The following NEGR1 variants were observed in gnomAD, a reference collection of about 807,000 sequenced individuals.
The protein encoded by NEGR1 is neuronal growth regulator 1.
In NEGR1, 10 loss-of-function variants were observed where a neutral mutation model predicts 40.9. That is an observed-to-expected ratio of 0.24 (90% CI 0.15 to 0.42). The LOEUF is 0.42. NEGR1 is among the 10% of genes least tolerant of loss of function. The probability of loss-of-function intolerance (pLI) is 1.00; values close to 1 mark genes in which losing one functional copy is unlikely to be tolerated. For synonymous variants in NEGR1, 185 were observed against 166.8 expected, an observed-to-expected ratio of 1.11 and a Z score of -0.84; for missense variants, 352 against 438.9, an observed-to-expected ratio of 0.80 and a Z score of 1.77.
chr1:71,586,967 T>C (rs1011227988), intron 6 of NEGR1, among the ~76,000 whole-genome samples: 3 of 152,080 alleles, frequency 2.0e-5, no homozygotes, highest in Non-Finnish European at 4.4e-5. Flanking sequence ...ATCTCAAAGC[T>C]GCGAGGATAA....
rs572036407 is a variant in NEGR1 at position 71,642,324 on chromosome 1, TAGAA to T, written c.668-31182_668-31179del. Reference sequence around the variant, plus strand: ...AGATAACTTATAAAGCTGATAATGTTAGAAAGAAAGGAAGAATGAATGAAGTGTA... The same window carrying T: ...AGATAACTTATAAAGCTGATAATGTTAGAAAGGAAGAATGAATGAAGTGTA... On this transcript the variant is annotated intron_variant, in intron 4 of 6. Coordinates refer to ENST00000357731, the MANE Select transcript of NEGR1 (RefSeq NM_173808.3). 2.3e-3 allele frequency among the ~76,000 whole-genome samples: 353 copies of T among 151,052 alleles called. 3 individuals are homozygous for T. Among genetic ancestry groups the T allele is most frequent in the African/African-American group, 8.3e-3 (340 of 41,104 alleles).
Position 71,776,253 on chromosome 1 carries a change from C to T in NEGR1, c.454G>A (p.Glu152Lys). The T allele has an allele frequency of 1.2e-6, 2 of 1,603,888 alleles. No individual in the cohort carries two copies. The highest frequency in any genetic ancestry group is 8.5e-7 in the Non-Finnish European group (1 of 1,173,304). ...YDISNDMTVN[E>K]GTNVTLTCLA... is the part of the protein sequence containing the mutation. Reference sequence around the variant, plus strand: ...CAAGTAAGAGTGACGTTGGTTCCTTCATTGACGGTCATATCATTTGAGATG... The same window carrying T: ...CAAGTAAGAGTGACGTTGGTTCCTTTATTGACGGTCATATCATTTGAGATG... The change falls in exon 3 of 7, where the codon GAA (glutamate) becomes AAA (lysine). Residue 152 changes from glutamate (E) to lysine (K), a missense_variant. By Grantham distance (56) the Glu-to-Lys change is moderately conservative (BLOSUM62 1). This residue lies in a region of NEGR1 where 50 missense variants were observed against 53.0 expected (regional missense o/e 0.94). Transcript: ENST00000357731.
intron 6 of NEGR1, among the ~76,000 whole-genome samples, chr1:71,461,331 A>G (rs1646713376): frequency 6.6e-6 from 1 of 152,290 alleles, no homozygotes; most frequent in Non-Finnish European, 1.5e-5. Context: ...AATACAGATC[A>G]CTTCTAAATG....
chr1:72,013,221 T>A (rs1646675658), intron 1 of NEGR1, among the ~76,000 whole-genome samples: 1 of 152,080 alleles, frequency 6.6e-6, no homozygotes, highest in Non-Finnish European at 1.5e-5. Flanking sequence ...AGAGGCAGCA[T>A]TATTTTGTGG....
At chr1:71,497,773 A>G (rs1646974812) in intron 6 of NEGR1, among the ~76,000 whole-genome samples, 1 of 152,060 alleles carries the variant, frequency 6.6e-6, no homozygotes, top group African/African-American at 2.4e-5. Context: ...GAGATATAGA[A>G]CAAACAATTA....
intron 1 of NEGR1, among the ~76,000 whole-genome samples, chr1:72,160,835 T>C (rs577119964): frequency 6.6e-6 from 1 of 152,292 alleles, no homozygotes; most frequent in South Asian, 2.1e-4. Flanking sequence ...TACAAGTAGG[T>C]TCTGCCTTCA....
intron 1 of NEGR1, among the ~76,000 whole-genome samples, chr1:72,080,869 A>G (rs1397147730): frequency 6.6e-6 from 1 of 152,134 alleles, no homozygotes; most frequent in Non-Finnish European, 1.5e-5. Context: ...AAGCTTCCTA[A>G]AAGTCTCAGC....
At chr1:71,575,851 A>G (rs1324088977) in intron 6 of NEGR1, among the ~76,000 whole-genome samples, 1 of 152,184 alleles carries the variant, frequency 6.6e-6, no homozygotes, top group Admixed American at 6.5e-5. Context: ...CCTTTCCCTA[A>G]TGTTATTAAC....
chr1:72,109,056 T>C (rs1215730536), intron 1 of NEGR1, among the ~76,000 whole-genome samples: 1 of 151,640 alleles, frequency 6.6e-6, no homozygotes, highest in East Asian at 1.9e-4. Flanking sequence ...TGTAATTCTA[T>C]TACCTTAATC....
At chr1:71,867,864 G>C (rs1184616335) in intron 2 of NEGR1, among the ~76,000 whole-genome samples, 1 of 151,942 alleles carries the variant, frequency 6.6e-6, no homozygotes, top group East Asian at 1.9e-4. Flanking sequence ...TTTTCTCTTA[G>C]CAACACTGTT....
chr1:71,591,404 T>C (rs1649495282), intron 6 of NEGR1, among the ~76,000 whole-genome samples: 1 of 152,202 alleles, frequency 6.6e-6, no homozygotes, highest in Non-Finnish European at 1.5e-5. Flanking sequence ...AATCAGAATG[T>C]AATTTAGAAA....
intron 1 of NEGR1, among the ~76,000 whole-genome samples, chr1:72,046,910 G>C (rs1647007607): frequency 6.6e-6 from 1 of 151,594 alleles, no homozygotes; most frequent in Non-Finnish European, 1.5e-5. Flanking sequence ...ATATTAGAAT[G>C]CTATTTCACA....
intron 3 of NEGR1, among the ~76,000 whole-genome samples, chr1:71,722,116 G>A (rs1383655249): frequency 6.6e-6 from 1 of 152,068 alleles, no homozygotes; most frequent in Non-Finnish European, 1.5e-5. Flanking sequence ...TGTGCTTTTA[G>A]AAGATCACTC....
chr1:72,153,631 C>G (rs984250829), intron 1 of NEGR1, among the ~76,000 whole-genome samples: 1 of 151,704 alleles, frequency 6.6e-6, no homozygotes, highest in African/African-American at 2.4e-5. Context: ...CTATCTGTCT[C>G]TCTATATTAG....
At chr1:71,466,172 G>A (rs1646744518) in intron 6 of NEGR1, among the ~76,000 whole-genome samples, 1 of 152,068 alleles carries the variant, frequency 6.6e-6, no homozygotes, top group Non-Finnish European at 1.5e-5. Context: ...GTGTGAGAGA[G>A]TTTATGGTGC....
intron 2 of NEGR1, among the ~76,000 whole-genome samples, chr1:71,838,441 G>A (rs566804658): frequency 9.2e-5 from 14 of 152,102 alleles, no homozygotes; most frequent in African/African-American, 3.1e-4. Context: ...AAAATGATTA[G>A]GGAAAATCAC....
intron 3 of NEGR1, among the ~76,000 whole-genome samples, chr1:71,736,579 G>A (rs1655047640): frequency 6.6e-6 from 1 of 152,134 alleles, no homozygotes; most frequent in Admixed American, 6.6e-5. Context: ...TCCTATCTGA[G>A]CCAGCAAAAG....
At chr1:71,539,456 G>C (rs1253324379) in intron 6 of NEGR1, among the ~76,000 whole-genome samples, 2 of 151,664 alleles carry the variant, frequency 1.3e-5, no homozygotes, top group Admixed American at 1.3e-4. Flanking sequence ...ATTTCACTGT[G>C]ACTTAACAAA....
At chr1:71,841,222 G>T (rs1471007522) in intron 2 of NEGR1, among the ~76,000 whole-genome samples, 1 of 152,042 alleles carries the variant, frequency 6.6e-6, no homozygotes, top group Non-Finnish European at 1.5e-5. Flanking sequence ...AAACATGAAT[G>T]TCTTCTCAAT....
Sources: allele counts gnomAD v4.1 joint callset (sites outside exome capture counted in the v4.1 genomes callset), GRCh38; gene constraint gnomAD v4.1.1; regional missense constraint gnomAD v4.1.1; transcripts MANE v1.5; gene names NCBI Gene and HGNC (gene_info 2026-07-23, HGNC 2026-07-21).